COP1: variants seen among roughly 807,000 people sequenced by gnomAD.
COP1 encodes the protein COP1 E3 ubiquitin ligase.
In COP1, 24 loss-of-function variants were observed where a neutral mutation model predicts 101.3. That is an observed-to-expected ratio of 0.24 (90% confidence interval 0.17 to 0.33). The LOEUF (loss-of-function observed/expected upper bound fraction) is 0.33, where lower values mean the gene tolerates loss of function less well. Among genes scored for constraint, COP1 ranks in the 10% least tolerant of loss-of-function variants. The probability of loss-of-function intolerance (pLI) is 1.00; values close to 1 mark genes in which losing one functional copy is unlikely to be tolerated. For missense variants in COP1, 663 were observed against 906.2 expected, an observed-to-expected ratio of 0.73 and a Z score of 3.45; for synonymous variants, 347 against 341.9, an observed-to-expected ratio of 1.01 and a Z score of -0.17.
intron 15 of COP1, among the ~76,000 whole-genome samples, chr1:176,021,289 C>T (rs1422388867): frequency 6.6e-6 from 1 of 152,158 alleles, no homozygotes; most frequent in African/African-American, 2.4e-5. Context: ...AGCATGCCCA[C>T]ACCAGAAGTA....
At chr1:176,119,663 C>T (rs200799929) in intron 8 of COP1, among the ~76,000 whole-genome samples, 2 of 138,222 alleles carry the variant, frequency 1.4e-5, no homozygotes, top group Admixed American at 7.4e-5. Flanking sequence ...CACACACACA[C>T]ATATAGAAAA....
In COP1 at chr1:176,024,577, G is replaced by A. The variant is rs930890333; in HGVS notation, c.1729+2995C>T. ...AAACGCTCTTCACGTATGATAAAAA[G>A]TTTTTCATACTTTTACCACTTCTAT... On this transcript the variant is annotated intron_variant, in intron 15 of 19. Transcript: ENST00000367669. Among the ~76,000 whole-genome samples, 15 of 152,228 alleles carry A rather than the reference G, an allele frequency of 9.9e-5. 1 individual carries two copies. Among genetic ancestry groups the A allele is most frequent in the South Asian group, 4.1e-4 (2 of 4,824 alleles).
intron 11 of COP1, among the ~76,000 whole-genome samples, chr1:176,051,918 CA>C (rs912520580): frequency 4.7e-5 from 7 of 149,938 alleles, no homozygotes; most frequent in South Asian, 2.1e-4. Context: ...ATCACAAAGT[CA>C]AAAAAAAATT....
At chr1:175,990,191 T>C (rs1045013829) in intron 15 of COP1, among the ~76,000 whole-genome samples, 1 of 152,160 alleles carries the variant, frequency 6.6e-6, no homozygotes, top group African/African-American at 2.4e-5. Flanking sequence ...TCCTTTGTTA[T>C]TTCTTCTTTG....
chr1:176,107,495 C>G lies in COP1; in HGVS notation c.1026+9129G>C, dbSNP rs143475763. On this transcript the variant is annotated intron_variant, in intron 9 of 19. Transcript: ENST00000367669. ...TGAAGGAGCTCCAACTAGCCAAATA[C>G]AAGATGATTTGAGTTTCAAAATTAG... Among the ~76,000 whole-genome samples the G allele has an allele frequency of 6.9e-3, 1,043 of 152,112 alleles. 8 individuals are homozygous for G. The highest frequency in any genetic ancestry group is 0.011 in the Non-Finnish European group (768 of 67,968).
At chr1:176,065,463 A>G (rs893023152) in intron 11 of COP1, among the ~76,000 whole-genome samples, 1 of 152,210 alleles carries the variant, frequency 6.6e-6, no homozygotes, top group African/African-American at 2.4e-5. Context: ...ACTTGTCACC[A>G]GATTAAGTTT....
intron 9 of COP1, among the ~76,000 whole-genome samples, chr1:176,095,917 CAAATT>C (rs1270564085): frequency 6.6e-6 from 1 of 152,158 alleles, no homozygotes; most frequent in Non-Finnish European, 1.5e-5. Context: ...CAAGGTCACA[CAAATT>C]AAATCCTGCA....
intron 1 of COP1, among the ~76,000 whole-genome samples, chr1:176,199,654 C>T (rs938260692): frequency 6.6e-6 from 1 of 151,936 alleles, no homozygotes; most frequent in African/African-American, 2.4e-5. Flanking sequence ...TTATACCAAA[C>T]GAAAGAAACC....
At chr1:175,972,548 G>A (rs1653505922) in intron 18 of COP1, among the ~76,000 whole-genome samples, 1 of 143,766 alleles carries the variant, frequency 7.0e-6, no homozygotes, top group Non-Finnish European at 1.5e-5. Context: ...CACTGCAACT[G>A]CCACCTCCCG....
Position 175,975,461 on chromosome 1 carries a change from G to A in COP1, c.2133+11482C>T, listed in dbSNP as rs529982547. On this transcript the variant is annotated intron_variant, in intron 18 of 19. Coordinates refer to ENST00000367669, the MANE Select transcript of COP1 (RefSeq NM_022457.7). ...TTCACACTTTGTCACCCAGGCTGGA[G>A]TGCAGTGCCACGATCTCGGCTCACT... Among the ~76,000 whole-genome samples, 5 of 152,210 alleles carry A rather than the reference G, an allele frequency of 3.3e-5. 1 individual carries two copies. Among genetic ancestry groups the A allele is most frequent in the African/African-American group, 1.2e-4 (5 of 41,510 alleles).
intron 8 of COP1, among the ~76,000 whole-genome samples, chr1:176,128,931 A>G (rs1320985855): frequency 6.6e-6 from 1 of 151,964 alleles, no homozygotes; most frequent in Non-Finnish European, 1.5e-5. Context: ...AAAAATAGGC[A>G]AGATGGCTCA....
At chr1:176,203,688 T>C (rs1476818483) in intron 1 of COP1, among the ~76,000 whole-genome samples, 1 of 152,210 alleles carries the variant, frequency 6.6e-6, no homozygotes, top group Non-Finnish European at 1.5e-5. Context: ...TAAAACACTG[T>C]TAAAATTATT....
chr1:176,140,970 G>C (rs536480901), intron 6 of COP1, among the ~76,000 whole-genome samples: 1 of 152,312 alleles, frequency 6.6e-6, no homozygotes, highest in East Asian at 1.9e-4. Context: ...GAGTAAGTAA[G>C]TCTCAGAATC....
intron 15 of COP1, among the ~76,000 whole-genome samples, chr1:175,995,431 C>G (rs1375561293): frequency 6.6e-6 from 1 of 151,962 alleles, no homozygotes; most frequent in Non-Finnish European, 1.5e-5. Context: ...CACAAAAAAC[C>G]CTTCAAAAAA....
chr1:176,132,010 T>A (rs749109390), intron 8 of COP1, among the ~76,000 whole-genome samples: 1 of 151,592 alleles, frequency 6.6e-6, no homozygotes, highest in Non-Finnish European at 1.5e-5. Flanking sequence ...CTTCATGAAA[T>A]CTAGTATGTT....
At chr1:175,966,613 C>T (rs1209139693) in intron 18 of COP1, among the ~76,000 whole-genome samples, 5 of 152,226 alleles carry the variant, frequency 3.3e-5, no homozygotes, top group Non-Finnish European at 7.4e-5. Context: ...GTCTGGGCTT[C>T]ATCCTGAATT....
At chr1:176,155,507 CATT>C (rs1481709609) in intron 5 of COP1, among the ~76,000 whole-genome samples, 1 of 151,606 alleles carries the variant, frequency 6.6e-6, no homozygotes, top group African/African-American at 2.4e-5. Context: ...TAATATGAAA[CATT>C]ATAACAACAT....
chr1:176,007,360 C>T (rs1663542288), intron 15 of COP1, among the ~76,000 whole-genome samples: 4 of 152,338 alleles, frequency 2.6e-5, no homozygotes, highest in Middle Eastern at 3.4e-3. Flanking sequence ...AGTCATTCTC[C>T]ATCCAGCTTT....
chr1:176,055,487 G>A (rs1381640059), intron 11 of COP1, among the ~76,000 whole-genome samples: 1 of 152,162 alleles, frequency 6.6e-6, no homozygotes, highest in Admixed American at 6.5e-5. Flanking sequence ...CTAAGCTCTT[G>A]TACCTCACCA....
Sources: allele counts gnomAD v4.1 joint callset (sites outside exome capture counted in the v4.1 genomes callset), GRCh38; gene constraint gnomAD v4.1.1; transcripts MANE v1.5; gene names NCBI Gene and HGNC (gene_info 2026-07-23, HGNC 2026-07-21).